NEDD4L: variants seen among roughly 807,000 people sequenced by gnomAD.
The protein encoded by NEDD4L is NEDD4 like E3 ubiquitin protein ligase, also known as E3 ubiquitin-protein ligase NEDD4-like.
NEDD4L carries 54 observed loss-of-function variants against 148.9 expected under a neutral mutation model. That is an observed-to-expected ratio of 0.36 (90% confidence interval 0.29 to 0.45). The LOEUF is 0.45. NEDD4L is among the 20% of genes least tolerant of loss of function. The pLI, the probability that NEDD4L is intolerant of heterozygous loss-of-function variation, is 1.00. For synonymous variants in NEDD4L, 433 were observed against 440.7 expected, an observed-to-expected ratio of 0.98 and a Z score of 0.22; for missense variants, 856 against 1,233.8, an observed-to-expected ratio of 0.69 and a Z score of 4.59.
chr18:58,328,336 G>T (rs1358651942), intron 9 of NEDD4L, among the ~76,000 whole-genome samples: 2 of 152,186 alleles, frequency 1.3e-5, no homozygotes, highest in Non-Finnish European at 2.9e-5. Flanking sequence ...AAAAAATAGG[G>T]TATGATGTTT....
intron 1 of NEDD4L, among the ~76,000 whole-genome samples, chr18:58,106,084 G>A (rs2085056267): frequency 6.6e-6 from 1 of 152,258 alleles, no homozygotes; most frequent in African/African-American, 2.4e-5. Context: ...TGGAGAGTGA[G>A]AGGAGCAGCT....
rs35545013 is a variant in NEDD4L at position 58,398,157 on chromosome 18, TAAAAAAAAAAAAAAAAAA to T, written c.*1908_*1925del. The T allele has an allele frequency of 0.03, 943 of 31,054 alleles. 41 individuals are homozygous for T. The highest frequency in any genetic ancestry group is 0.076 in the African/African-American group (829 of 10,962). The allele number at this position is 31,054 out of a possible 1,614,324, so 1.9% of individuals were successfully genotyped here. A position where few individuals can be genotyped will look rare whatever the true frequency, so the allele number is the denominator to read the frequency against. The stretch of plus-strand genomic sequence containing the variant: ...TCAGAAAACTTAGATGCTATGTAAC[TAAAAAAAAAAAAAAAAAA>T]AAAAAAAAAAAAAAAAAAATTCCCG... On this transcript the variant is annotated 3_prime_UTR_variant, in exon 31 of 31. Transcript: ENST00000400345.
intron 1 of NEDD4L, among the ~76,000 whole-genome samples, chr18:58,134,077 C>A (rs143221205): frequency 1.3e-5 from 2 of 152,012 alleles, no homozygotes; most frequent in East Asian, 3.9e-4. Flanking sequence ...CCTGGCTCAC[C>A]GCAACCTCCA....
chr18:58,097,147 AGACTT>A (rs1464504388), intron 1 of NEDD4L, among the ~76,000 whole-genome samples: 1 of 152,246 alleles, frequency 6.6e-6, no homozygotes, highest in Non-Finnish European at 1.5e-5. Flanking sequence ...TTTGTTCGCA[AGACTT>A]ATGACACAGC....
rs913708180 is a variant in NEDD4L at position 58,256,172 on chromosome 18, G to A, written c.297+4118G>A. ...GTGCGGCCGCCGCGTGCGGTGCTCC[G>A]GCCCCGTGGACTGCGCGGAGGAGGC... On this transcript the variant is annotated intron_variant, in intron 5 of 30. Coordinates refer to ENST00000400345, the MANE Select transcript of NEDD4L (RefSeq NM_001144967.3). The surrounding 1 kb of genome is among the most constrained non-coding windows in gnomAD (Gnocchi z 5.2). 19 of 1,217,756 alleles carry A rather than the reference G, an allele frequency of 1.6e-5. No homozygotes were observed. The highest frequency in any genetic ancestry group is 1.4e-4 in the African/African-American group (9 of 63,714). 75.4% of individuals were successfully genotyped at this position (1,217,756 alleles called of 1,614,324 possible). A position where few individuals can be genotyped will look rare whatever the true frequency, so the allele number is the denominator to read the frequency against.
chr18:58,058,016 A>G (rs1007790020), intron 1 of NEDD4L, among the ~76,000 whole-genome samples: 2 of 152,174 alleles, frequency 1.3e-5, no homozygotes, highest in African/African-American at 4.8e-5. Flanking sequence ...TTTTTAAAAA[A>G]TGGTGGTAAG....
rs569865720 is a variant in NEDD4L at position 58,248,639 on chromosome 18, G to A, written c.205-260G>A. ...AAGAAATTTTTTATATTTTCACGAT[G>A]ACTCTTTCCAGGCCTTTGATGTTTT... On this transcript the variant is annotated intron_variant, in intron 3 of 30. Transcript: ENST00000400345. Among the ~76,000 whole-genome samples, 3 of 152,226 alleles carry A rather than the reference G, an allele frequency of 2.0e-5. No homozygotes were observed. The East Asian group carries it at 5.8e-4, about 29-fold the overall frequency.
At position 58,280,160 on chromosome 18, in the gene NEDD4L, G is replaced by A. The variant is rs147546873; in HGVS notation, c.297+28106G>A. 5.9e-5 allele frequency among the ~76,000 whole-genome samples: 9 copies of A among 151,992 alleles called. No individual in the cohort carries two copies. In the East Asian group the frequency reaches 9.6e-4, roughly 16 times the overall value. ...TGGGCTCAAGTGATCCTTCTGCCTCGGCCTCCTGAGCAGCCACTGCACGTG... is the reference window on the plus strand; with the variant it reads ...TGGGCTCAAGTGATCCTTCTGCCTCAGCCTCCTGAGCAGCCACTGCACGTG... On this transcript the variant is annotated intron_variant, in intron 5 of 30. Coordinates refer to ENST00000400345, the MANE Select transcript of NEDD4L (RefSeq NM_001144967.3).
At chr18:58,091,269 G>A (rs2084055416) in intron 1 of NEDD4L, 1 of 152,236 alleles carries the variant, frequency 6.6e-6, no homozygotes, top group Admixed American at 6.5e-5. Flanking sequence ...ACCAGAATTT[G>A]GCACAGTGAG....
intron 20 of NEDD4L, among the ~76,000 whole-genome samples, chr18:58,365,022 A>T (rs1414862624): frequency 2.6e-5 from 4 of 151,898 alleles, no homozygotes; most frequent in African/African-American, 4.8e-5. Flanking sequence ...TAGGGAGGGG[A>T]GAGAAGCGGC....
chr18:58,143,427 G>A (rs1447988829), intron 1 of NEDD4L, among the ~76,000 whole-genome samples: 1 of 152,208 alleles, frequency 6.6e-6, no homozygotes, highest in African/African-American at 2.4e-5. Context: ...AAGTATCTTT[G>A]AAAGGGGGCC....
intron 2 of NEDD4L, among the ~76,000 whole-genome samples, chr18:58,204,665 C>T (rs1157932706): frequency 2.0e-5 from 3 of 152,160 alleles, no homozygotes; most frequent in African/African-American, 4.8e-5. Context: ...CAGGTCATGA[C>T]GCATGGGAAT....
intron 5 of NEDD4L, among the ~76,000 whole-genome samples, chr18:58,281,942 A>G (rs111510453): frequency 2.0e-5 from 3 of 150,860 alleles, no homozygotes; most frequent in African/African-American, 4.9e-5. Flanking sequence ...GGAGAATGGC[A>G]TGAACCCGGG....
chr18:58,294,342 T>C (rs1181787304), intron 5 of NEDD4L, among the ~76,000 whole-genome samples: 2 of 152,146 alleles, frequency 1.3e-5, no homozygotes, highest in Non-Finnish European at 2.9e-5. Context: ...CATGTGTTTT[T>C]AGAGTAAGTT....
chr18:58,151,880 GT>G (rs2034814831), intron 1 of NEDD4L, among the ~76,000 whole-genome samples: 1 of 152,032 alleles, frequency 6.6e-6, no homozygotes, highest in Non-Finnish European at 1.5e-5. Flanking sequence ...TGGCTTCAGG[GT>G]CAGGACAGGA....
chr18:58,171,957 C>T (rs1302998844), intron 2 of NEDD4L, among the ~76,000 whole-genome samples: 1 of 152,166 alleles, frequency 6.6e-6, no homozygotes, highest in African/African-American at 2.4e-5. Flanking sequence ...GATGTTTGTG[C>T]AGAATGACTA....
chr18:58,329,128 G>C lies in NEDD4L; in HGVS notation c.813+1G>C. 1.2e-6 allele frequency: 2 copies of C among 1,613,666 alleles called. No homozygotes were observed. The highest frequency in any genetic ancestry group is 1.7e-6 in the Non-Finnish European group (2 of 1,179,778). ...CTCGGAGGGCGGGGATGTCCCCGAGGTACGATGTCCCCAGAATGGTGCAAA... is the reference window on the plus strand; with the variant it reads ...CTCGGAGGGCGGGGATGTCCCCGAGCTACGATGTCCCCAGAATGGTGCAAA... On this transcript the variant is annotated splice_donor_variant, in intron 10 of 30. Transcript: ENST00000400345. LOFTEE classifies it high-confidence loss of function.
chr18:58,243,839 A>G (rs1342525372), intron 2 of NEDD4L, among the ~76,000 whole-genome samples: 2 of 151,456 alleles, frequency 1.3e-5, no homozygotes, highest in African/African-American at 4.9e-5. Flanking sequence ...TAATGTAAAA[A>G]AAAAATAAAA....
At chr18:58,376,554 C>A (rs76414049) in intron 24 of NEDD4L, among the ~76,000 whole-genome samples, 4 of 152,146 alleles carry the variant, frequency 2.6e-5, no homozygotes, top group African/African-American at 9.7e-5. Context: ...TGTTCACACA[C>A]CTCCCAAACC....
Sources: allele counts gnomAD v4.1 joint callset (sites outside exome capture counted in the v4.1 genomes callset), GRCh38; gene constraint gnomAD v4.1.1; non-coding constraint Gnocchi (gnomAD v3.1); transcripts MANE v1.5; gene names NCBI Gene and HGNC (gene_info 2026-07-23, HGNC 2026-07-21).